Variants in WDR72 observed in about 807,000 individuals in gnomAD.
WDR72 encodes the protein WD repeat domain 72, also known as WD repeat-containing protein 72.
A neutral mutation model predicts 124.2 loss-of-function variants in WDR72; 120 were observed. That is an observed-to-expected ratio of 0.97 (90% CI 0.83 to 1.12). WDR72 has a LOEUF of 1.12. WDR72 is among the 50% of genes most tolerant of loss of function. The pLI is 0.00. For synonymous variants in WDR72, 452 were observed against 441.7 expected (o/e 1.02, Z -0.29); for missense variants, 1,387 against 1,278.8 (o/e 1.08, Z -1.29).
At chr15:53,754,855 T>A (rs2018860170) in intron 1 of WDR72, among the ~76,000 whole-genome samples, 1 of 152,164 alleles carries the variant, frequency 6.6e-6, no homozygotes. Context: ...ACTCAGAAAT[T>A]TTCTCTGAGG....
At chr15:53,550,337 T>G (rs1246190766) in intron 18 of WDR72, among the ~76,000 whole-genome samples, 2 of 152,002 alleles carry the variant, frequency 1.3e-5, no homozygotes, top group Non-Finnish European at 1.5e-5. Context: ...CCAATAAAAC[T>G]TTTTTTACCA....
intron 18 of WDR72, among the ~76,000 whole-genome samples, chr15:53,541,569 T>A (rs967753271): frequency 3.3e-5 from 5 of 151,734 alleles, no homozygotes; most frequent in African/African-American, 1.2e-4. Context: ...AACTGGATAC[T>A]CTAAAACGCA....
chr15:53,664,893 T>C (rs949567546), intron 14 of WDR72, among the ~76,000 whole-genome samples: 6 of 152,138 alleles, frequency 3.9e-5, no homozygotes, highest in African/African-American at 1.4e-4. Flanking sequence ...AAAAAATACA[T>C]TTGATATGTA....
chr15:53,639,413 G>C (rs1218491236), intron 14 of WDR72, among the ~76,000 whole-genome samples: 2 of 148,808 alleles, frequency 1.3e-5, no homozygotes, highest in Non-Finnish European at 3.0e-5. Context: ...AAGAGTTCGA[G>C]ACCAGCCTGG....
At chr15:53,686,573 G>T (rs1007409802) in intron 13 of WDR72, among the ~76,000 whole-genome samples, 1 of 151,588 alleles carries the variant, frequency 6.6e-6, no homozygotes, top group African/African-American at 2.4e-5. Context: ...AGTCCTGAGT[G>T]ACCTACAAAG....
chr15:53,619,262 A>G (rs1431896661), intron 14 of WDR72, among the ~76,000 whole-genome samples: 2 of 109,402 alleles, frequency 1.8e-5, no homozygotes, highest in Non-Finnish European at 3.9e-5. Context: ...TATGCTTTAT[A>G]ATTGTGTGTG....
chr15:53,642,347 A>G (rs2014885217), intron 14 of WDR72, among the ~76,000 whole-genome samples: 1 of 152,014 alleles, frequency 6.6e-6, no homozygotes, highest in African/African-American at 2.4e-5. Flanking sequence ...ATACTGAAAG[A>G]TGTCTGCCAA....
At chr15:53,596,298 A>AC in intron 18 of WDR72, among the ~76,000 whole-genome samples, 1 of 152,250 alleles carries the variant, frequency 6.6e-6, no homozygotes, top group Admixed American at 6.5e-5. Flanking sequence ...TTAAAGTTGT[A>AC]CTTTTTTTTA....
intron 1 of WDR72, among the ~76,000 whole-genome samples, chr15:53,755,638 C>T (rs182641921): frequency 6.6e-6 from 1 of 152,320 alleles, no homozygotes; most frequent in East Asian, 1.9e-4. Context: ...TGACTCTGTT[C>T]TCCTCTTGAG....
chr15:53,677,060 A>G (rs1455287068), intron 13 of WDR72, among the ~76,000 whole-genome samples: 2 of 151,622 alleles, frequency 1.3e-5, no homozygotes, highest in East Asian at 3.9e-4. Flanking sequence ...AGCTGGGACT[A>G]CAGGCACCCT....
At chr15:53,651,941 C>T (rs2015258486) in intron 14 of WDR72, 1 of 152,270 alleles carries the variant, frequency 6.6e-6, no homozygotes, top group African/African-American at 2.4e-5. Context: ...GAGTGAGCCA[C>T]TGCGCCCAGT....
chr15:53,703,315 C>T (rs1000075146), intron 11 of WDR72, among the ~76,000 whole-genome samples: 15 of 152,124 alleles, frequency 9.9e-5, no homozygotes, highest in African/African-American at 3.6e-4. Context: ...CCTAATTCTA[C>T]CTCTTGGCTT....
upstream of WDR72, chr15:53,762,554 G>A (rs1293515800): frequency 6.6e-6 from 1 of 152,252 alleles, no homozygotes; most frequent in Non-Finnish European, 1.5e-5. Flanking sequence ...ACTCTTTAAT[G>A]AATTTCCCTC....
chr15:53,682,376 T>C (rs528829869), intron 13 of WDR72, among the ~76,000 whole-genome samples: 1 of 151,986 alleles, frequency 6.6e-6, no homozygotes, highest in Admixed American at 6.5e-5. Flanking sequence ...GTACACTGGG[T>C]CTTGTCTCTA....
intron 2 of WDR72, among the ~76,000 whole-genome samples, chr15:53,727,753 C>A (rs1240041003): frequency 1.3e-5 from 2 of 152,180 alleles, no homozygotes; most frequent in East Asian, 1.9e-4. Context: ...AACATCATGG[C>A]CTTTCATATG....
intron 1 of WDR72, among the ~76,000 whole-genome samples, chr15:53,735,157 G>A (rs2018315488): frequency 6.6e-6 from 1 of 152,196 alleles, no homozygotes; most frequent in East Asian, 1.9e-4. Flanking sequence ...AGCCAGGCAT[G>A]GTGGCACACA....
rs1229436036 is a variant in WDR72 at position 53,615,413 on chromosome 15, A to G, written c.2780+13T>C. ...ATAATCTAGTATAGTCAAAATCTCT[A>G]GGTATGTCTTACCTGCCAACTCTAC... On this transcript the variant is annotated intron_variant, in intron 15 of 19. Transcript: ENST00000360509. 1 of 1,582,622 alleles carries G rather than the reference A, an allele frequency of 6.3e-7. No homozygotes were observed. The highest frequency in any genetic ancestry group is 8.7e-7 in the Non-Finnish European group (1 of 1,154,966).
chr15:53,569,755 T>C (rs931186480), intron 18 of WDR72, among the ~76,000 whole-genome samples: 29 of 152,088 alleles, frequency 1.9e-4, no homozygotes, highest in Admixed American at 3.9e-4. Flanking sequence ...ATTTTCTTTA[T>C]CATGCCCCCC....
At chr15:53,579,257 T>C (rs1163240695) in intron 18 of WDR72, among the ~76,000 whole-genome samples, 1 of 152,102 alleles carries the variant, frequency 6.6e-6, no homozygotes, top group East Asian at 1.9e-4. Context: ...TTTATGGGAT[T>C]TCTTTAGCTA....
Sources: gnomAD v4.1 joint callset for allele counts (sites outside exome capture counted in the v4.1 genomes callset) on GRCh38, gnomAD v4.1.1 for gene constraint, MANE v1.5 for transcripts, NCBI Gene and HGNC (gene_info 2026-07-23, HGNC 2026-07-21) for gene names.